Variants in PCDHGB4 observed in about 807,000 individuals in gnomAD.
The protein encoded by PCDHGB4 is protocadherin gamma-B4.
A neutral mutation model predicts 60.5 loss-of-function variants in PCDHGB4; 38 were observed. The ratio of observed to expected loss-of-function variants is 0.63; its 90% CI spans 0.48 to 0.82. The LOEUF (loss-of-function observed/expected upper bound fraction) is 0.82. Among genes scored for constraint, PCDHGB4 ranks in the 40% least tolerant of loss-of-function variants. PCDHGB4 has a pLI of 0.00. For missense variants in PCDHGB4, 1,109 were observed against 1,209.6 expected, an observed-to-expected ratio of 0.92 and a Z score of 1.23; for synonymous variants, 456 against 509.7, an observed-to-expected ratio of 0.89 and a Z score of 1.42.
rs143638501 is a variant in PCDHGB4, at chr5:141,486,817, T to C, written c.2398-7990T>C. On this transcript the variant is annotated intron_variant, in intron 1 of 3. Coordinates refer to ENST00000519479, the MANE Select transcript of PCDHGB4 (RefSeq NM_003736.4). This position sits in a 1 kb window ranked among gnomAD's most constrained non-coding sequence, Gnocchi z 5.0. ...GGGGCAACCCACCCCTTAGCAGCACTGTAACAGTTCGTCTATTTGTGCTGG... is the reference window on the plus strand; with the variant it reads ...GGGGCAACCCACCCCTTAGCAGCACCGTAACAGTTCGTCTATTTGTGCTGG... 153 of 1,614,220 alleles carry C rather than the reference T, an allele frequency of 9.5e-5. 1 individual carries two copies. In the African/African-American group the frequency reaches 1.4e-3, roughly 15 times the overall value.
Position 141,477,771 on chromosome 5 carries a change from G to A in PCDHGB4, c.2398-17036G>A. 1 of 1,613,992 alleles carries A rather than the reference G, an allele frequency of 6.2e-7. No homozygotes were observed. The highest frequency in any genetic ancestry group is 1.3e-5 in the African/African-American group (1 of 75,054). ...ACCCCGGTCCTAGCCACCAACATCA[G>A]CGTGAACATATTTGTCACTGATCGC... On this transcript the variant is annotated intron_variant, in intron 1 of 3. Transcript: ENST00000519479. This position sits in a 1 kb window ranked among gnomAD's most constrained non-coding sequence, Gnocchi z 4.9.
chr5:141,429,960 A>C (rs981722031), intron 1 of PCDHGB4, among the ~76,000 whole-genome samples: 2 of 152,244 alleles, frequency 1.3e-5, no homozygotes, highest in African/African-American at 4.8e-5. Flanking sequence ...AGTCAATGCA[A>C]GTTGGAATGC....
In PCDHGB4 at chr5:141,395,061, C is replaced by G. The variant is rs751602382; in HGVS notation, c.2397+4780C>G. 1.5e-5 allele frequency: 25 copies of G among 1,614,158 alleles called. No individual in the cohort carries two copies. In the African/African-American group the frequency reaches 3.2e-4, roughly 21 times the overall value. On this transcript the variant is annotated intron_variant, in intron 1 of 3. Coordinates refer to ENST00000519479, the MANE Select transcript of PCDHGB4 (RefSeq NM_003736.4). ...GGGTGTTGAGGAGGTACAGGCTTTCCTGCAGACCTATTCCCAGGAAGTCTC... is the reference window on the plus strand; with the variant it reads ...GGGTGTTGAGGAGGTACAGGCTTTCGTGCAGACCTATTCCCAGGAAGTCTC...
chr5:141,405,359 G>A, intron 1 of PCDHGB4: 2 of 1,614,018 alleles, frequency 1.2e-6, no homozygotes, highest in Non-Finnish European at 1.7e-6. Context: ...TCCTATAGAA[G>A]ACACCCCTTT....
chr5:141,447,942 T>C (rs1476141059), intron 1 of PCDHGB4, among the ~76,000 whole-genome samples: 2 of 151,740 alleles, frequency 1.3e-5, no homozygotes, highest in African/African-American at 4.8e-5. Context: ...AAAAATTAGC[T>C]GGGCATGGTG....
intron 1 of PCDHGB4, chr5:141,413,563 A>G: frequency 6.2e-7 from 1 of 1,613,918 alleles, no homozygotes; most frequent in Non-Finnish European, 8.5e-7. Context: ...AGTAACTGAT[A>G]TCAATGACAA....
rs575872277 is a variant in PCDHGB4, at chr5:141,511,848, G to A, written c.*675G>A. The A allele has an allele frequency of 6.4e-6, 1 of 156,684 alleles. No individual in the cohort carries two copies. The highest frequency in any genetic ancestry group is 2.0e-4 in the South Asian group (1 of 5,078). The allele number at this position is 156,684 out of a possible 1,614,324, so 9.7% of individuals were successfully genotyped here. A position where few individuals can be genotyped will look rare whatever the true frequency, so the allele number is the denominator to read the frequency against. ...GCCCTGGGGACCAGTCTTCTGTTTT[G>A]TTTTTCATTGTTTGACGTTTCCACT... On this transcript the variant is annotated 3_prime_UTR_variant, in exon 4 of 4. Transcript: ENST00000519479.
At chr5:141,427,857 G>A (rs746661329) in intron 1 of PCDHGB4, 36 of 1,554,574 alleles carry the variant, frequency 2.3e-5, no homozygotes, top group Non-Finnish European at 2.9e-5. Context: ...GCAGCTGTGC[G>A]CCTTCGAGCT....
At chr5:141,392,719 C>CCG in intron 1 of PCDHGB4, 1 of 1,383,098 alleles carries the variant, frequency 7.2e-7, no homozygotes, top group African/African-American at 1.5e-5. Context: ...TCCAGGTTTC[C>CCG]GGAGGATTGT....
At chr5:141,498,830 G>T (rs2099786149) in intron 2 of PCDHGB4, among the ~76,000 whole-genome samples, 1 of 152,080 alleles carries the variant, frequency 6.6e-6, no homozygotes, top group Non-Finnish European at 1.5e-5. Context: ...CTACTCAGGA[G>T]GCTGAGGCAG....
chr5:141,408,801 T>C, intron 1 of PCDHGB4: 1 of 1,613,142 alleles, frequency 6.2e-7, no homozygotes, highest in Admixed American at 1.7e-5. Context: ...GAGAAACTCC[T>C]AGACCGGGAA....
chr5:141,453,205 G>A lies in PCDHGB4; in HGVS notation c.2398-41602G>A, dbSNP rs570291941. On this transcript the variant is annotated intron_variant, in intron 1 of 3. Coordinates refer to ENST00000519479, the MANE Select transcript of PCDHGB4 (RefSeq NM_003736.4). ...CACAGCTCACTGCAGCCTCAACCTC[G>A]TGCACTTAAGCGATCCTCCCACCTC... Among the ~76,000 whole-genome samples the A allele has an allele frequency of 1.1e-4, 17 of 151,990 alleles. No individual in the cohort carries two copies. In the East Asian group the frequency reaches 2.5e-3, roughly 22 times the overall value.
At chr5:141,492,063 C>T in intron 1 of PCDHGB4, 1 of 481,160 alleles carries the variant, frequency 2.1e-6, no homozygotes, top group African/African-American at 2.0e-5. Flanking sequence ...CAGCCAGCCT[C>T]CTAGGCGCCG....
At chr5:141,502,862 CTGTCT>C (rs2099816366) in intron 2 of PCDHGB4, among the ~76,000 whole-genome samples, 2 of 68,560 alleles carry the variant, frequency 2.9e-5, no homozygotes, top group Admixed American at 3.3e-4. Flanking sequence ...CCCTGACTCT[CTGTCT>C]TTTTTTTTTT....
At chr5:141,459,199 A>G (rs930769883) in intron 1 of PCDHGB4, among the ~76,000 whole-genome samples, 6 of 152,200 alleles carry the variant, frequency 3.9e-5, no homozygotes, top group African/African-American at 1.4e-4. Flanking sequence ...TTTGCAATCA[A>G]TTCACTACTT....
chr5:141,418,434 C>T, intron 1 of PCDHGB4: 5 of 1,613,944 alleles, frequency 3.1e-6, no homozygotes, highest in Non-Finnish European at 4.2e-6. Context: ...GGCAAATATC[C>T]AGAATTAGTA....
At chr5:141,416,406 T>A (rs2096021956) in intron 1 of PCDHGB4, 1 of 152,224 alleles carries the variant, frequency 6.6e-6, no homozygotes, top group Admixed American at 6.5e-5. Context: ...TTGTCTTTTT[T>A]GTTAAATTTT....
chr5:141,407,706 G>C (rs1350991580), intron 1 of PCDHGB4, among the ~76,000 whole-genome samples: 3 of 152,006 alleles, frequency 2.0e-5, no homozygotes, highest in Admixed American at 1.3e-4. Context: ...GTTGAAGGTG[G>C]GGTGATGGCT....
intron 1 of PCDHGB4, chr5:141,399,287 C>A: frequency 6.2e-7 from 1 of 1,613,912 alleles, no homozygotes; most frequent in Non-Finnish European, 8.5e-7. Context: ...GGCGAAGTCC[C>A]TTTTAAGATT....
Sources: allele counts gnomAD v4.1 joint callset (sites outside exome capture counted in the v4.1 genomes callset), GRCh38; gene constraint gnomAD v4.1.1; non-coding constraint Gnocchi (gnomAD v3.1); transcripts MANE v1.5; gene names NCBI Gene and HGNC (gene_info 2026-07-23, HGNC 2026-07-21).